CYTH1: variants seen among roughly 807,000 people sequenced by gnomAD.
The protein encoded by CYTH1 is cytohesin 1.
In CYTH1, 18 loss-of-function variants were observed where a neutral mutation model predicts 61.8. The ratio of observed to expected loss-of-function variants is 0.29; its 90% confidence interval spans 0.20 to 0.43. The LOEUF is 0.43. CYTH1 is among the 20% of genes least tolerant of loss of function. The pLI is 1.00. For synonymous variants in CYTH1, 174 were observed against 184.3 expected, an observed-to-expected ratio of 0.94 and a Z score of 0.45; for missense variants, 336 against 510.5, an observed-to-expected ratio of 0.66 and a Z score of 3.29.
At chr17:78,678,519 C>T (rs2092724685) in intron 13 of CYTH1, 1 of 152,112 alleles carries the variant, frequency 6.6e-6, no homozygotes, top group Admixed American at 6.5e-5. Context: ...AAACTTAAAC[C>T]CTTACTTCAA....
At chr17:78,769,698 TA>T (rs1293610556) in intron 1 of CYTH1, among the ~76,000 whole-genome samples, 2 of 152,174 alleles carry the variant, frequency 1.3e-5, no homozygotes, top group East Asian at 3.9e-4. Flanking sequence ...GTTGACTGAA[TA>T]AACCATTACA....
At position 78,698,165 on chromosome 17, in the gene CYTH1, A is replaced by ACAAACACGCACACGCG; in HGVS notation, c.811+88_811+103dup. On this transcript the variant is annotated intron_variant, in intron 9 of 13. Transcript: ENST00000446868. ...CACGCACGCGCACACATGCACACGC[A>ACAAACACGCACACGCG]CAAACACGCACACGCGCACACACGC... 3.1e-6 allele frequency: 3 copies of ACAAACACGCACACGCG among 953,968 alleles called. No homozygotes were observed. The South Asian group carries it at 4.1e-5, about 13-fold the overall frequency. 59.1% of individuals were successfully genotyped at this position (953,968 alleles called of 1,614,324 possible).
chr17:78,726,365 C>G (rs886668997), intron 1 of CYTH1, among the ~76,000 whole-genome samples: 2 of 152,082 alleles, frequency 1.3e-5, no homozygotes, highest in African/African-American at 4.8e-5. Context: ...AAAAAGTTCA[C>G]TGCATGGAAA....
intron 1 of CYTH1, among the ~76,000 whole-genome samples, chr17:78,755,338 T>C (rs1032247823): frequency 1.3e-5 from 2 of 152,104 alleles, no homozygotes; most frequent in African/African-American, 4.8e-5. Context: ...ACAGCCATGT[T>C]GGCCAGGCTG....
chr17:78,683,003 T>C (rs1265183911), intron 11 of CYTH1, among the ~76,000 whole-genome samples: 1 of 152,260 alleles, frequency 6.6e-6, no homozygotes, highest in South Asian at 2.1e-4. Flanking sequence ...AGTTCTTCTT[T>C]GGAAAATAAA....
intron 1 of CYTH1, among the ~76,000 whole-genome samples, chr17:78,774,257 A>G (rs2093482770): frequency 1.3e-5 from 2 of 152,316 alleles, no homozygotes; most frequent in African/African-American, 2.4e-5. Context: ...TATCTTAAAG[A>G]CCACAAAGTG....
At chr17:78,773,904 C>A (rs549811528) in intron 1 of CYTH1, among the ~76,000 whole-genome samples, 5 of 152,010 alleles carry the variant, frequency 3.3e-5, no homozygotes, top group Non-Finnish European at 7.4e-5. Context: ...AAAGAGTTAA[C>A]CTAAGTTAAG....
chr17:78,747,767 G>A (rs1384539676), intron 1 of CYTH1, among the ~76,000 whole-genome samples: 2 of 152,196 alleles, frequency 1.3e-5, no homozygotes, highest in African/African-American at 4.8e-5. Flanking sequence ...TGTAGGGACA[G>A]ACTTCATCTT....
rs71365530 is a variant in CYTH1 at position 78,711,314 on chromosome 17, TACACACAC to T, written c.23-1590_23-1583del. Among the ~76,000 whole-genome samples the T allele has an allele frequency of 2.5e-4, 36 of 142,492 alleles. No individual in the cohort carries two copies. The Middle Eastern group carries it at 0.014, about 56-fold the overall frequency. The allele number at this position is 142,492 out of a possible 152,430, so 93.5% of individuals were successfully genotyped here. ...TAAATAAATAAATAATATATATATA[TACACACAC>T]ACACACACACACACACCAGACTTTC... On this transcript the variant is annotated intron_variant, in intron 1 of 13. Transcript: ENST00000446868.
At position 78,680,590 on chromosome 17, in the gene CYTH1, G is replaced by A. The variant is rs182250265; in HGVS notation, c.964-246C>T. 9.8e-5 allele frequency among the ~76,000 whole-genome samples: 15 copies of A among 152,336 alleles called. No homozygotes were observed. In the East Asian group the frequency reaches 2.7e-3, roughly 27 times the overall value. On this transcript the variant is annotated intron_variant, in intron 12 of 13. Coordinates refer to ENST00000446868, the MANE Select transcript of CYTH1 (RefSeq NM_004762.6). Reference sequence around the variant, plus strand: ...GCCCCACTTGCAATGTACGTAAAATGCGGAGAGAACTGCAGGTGACTCACG... The same window carrying A: ...GCCCCACTTGCAATGTACGTAAAATACGGAGAGAACTGCAGGTGACTCACG...
chr17:78,755,424 C>T (rs571067065), intron 1 of CYTH1, among the ~76,000 whole-genome samples: 3 of 150,018 alleles, frequency 2.0e-5, no homozygotes, highest in Non-Finnish European at 2.9e-5. Flanking sequence ...TGAGCCACCA[C>T]GCCCAGCCTC....
intron 1 of CYTH1, among the ~76,000 whole-genome samples, chr17:78,749,149 C>G (rs1314819762): frequency 1.3e-5 from 2 of 152,174 alleles, no homozygotes; most frequent in Non-Finnish European, 2.9e-5. Context: ...GACCTGTAAT[C>G]CCAGCACTTT....
In CYTH1 at chr17:78,680,315, A is replaced by G; in HGVS notation, c.993T>C (p.Asn331=). Residue 331 remains asparagine (N), a synonymous_variant, in exon 13 of 14, where the codon AAT becomes AAC. Transcript: ENST00000446868. ...TGCAGGCCTTGATAACTTGGTCTTT[A>G]TTGTCGGGGATATAAAGCTCAAAGC... ...PNCFELYIPD[N]KDQVIKACKT... The G allele has an allele frequency of 6.2e-7, 1 of 1,613,980 alleles. No individual in the cohort carries two copies. Among genetic ancestry groups the G allele is most frequent in the Non-Finnish European group, 8.5e-7 (1 of 1,179,938 alleles).
intron 1 of CYTH1, among the ~76,000 whole-genome samples, chr17:78,769,954 A>G (rs928539963): frequency 7.9e-5 from 12 of 152,088 alleles, no homozygotes; most frequent in Non-Finnish European, 1.5e-4. Flanking sequence ...GATAGACGCC[A>G]TCCTGGCCAA....
intron 1 of CYTH1, chr17:78,736,825 G>A (rs2093322548): frequency 3.7e-6 from 1 of 269,960 alleles, no homozygotes; most frequent in African/African-American, 2.3e-5. Flanking sequence ...GGAGGGGCCG[G>A]GGATACCTGT....
At chr17:78,757,019 C>T (rs558108551) in intron 1 of CYTH1, among the ~76,000 whole-genome samples, 10 of 132,576 alleles carry the variant, frequency 7.5e-5, no homozygotes, top group African/African-American at 2.6e-4. Flanking sequence ...GATGGAGTCT[C>T]GCTCTGTCGC....
chr17:78,698,705 T>G, intron 8 of CYTH1, 115 bp downstream of exon 8: 1 of 1,280,716 alleles, frequency 7.8e-7, no homozygotes, highest in Non-Finnish European at 1.0e-6. Flanking sequence ...GTTAAACAAA[T>G]TAAAAGAGGA....
chr17:78,698,761 GATCCTGT>G, intron 8 of CYTH1, 52 bp downstream of exon 8: 1 of 1,496,226 alleles, frequency 6.7e-7, no homozygotes, highest in Non-Finnish European at 8.9e-7. Context: ...TACAAAAGAC[GATCCTGT>G]TCCCAGTGAA....
At chr17:78,772,416 GC>G (rs1202613303) in intron 1 of CYTH1, among the ~76,000 whole-genome samples, 1 of 152,182 alleles carries the variant, frequency 6.6e-6, no homozygotes, top group Non-Finnish European at 1.5e-5. Flanking sequence ...GATCGTGAAT[GC>G]AAGAAATACT....
Sources: gnomAD v4.1 joint callset for allele counts (sites outside exome capture counted in the v4.1 genomes callset) on GRCh38, gnomAD v4.1.1 for gene constraint, MANE v1.5 for transcripts, NCBI Gene and HGNC (gene_info 2026-07-23, HGNC 2026-07-21) for gene names.